Variants in SPG11 observed in about 807,000 individuals in gnomAD.
SPG11 encodes the protein SPG11 vesicle trafficking associated, spatacsin, also known as spatacsin.
In SPG11, 222 loss-of-function variants were observed where a neutral mutation model predicts 274.0. That is an observed-to-expected ratio of 0.81 (90% confidence interval 0.73 to 0.91). The LOEUF (loss-of-function observed/expected upper bound fraction) is 0.91. Ranked by LOEUF, SPG11 falls within the 40% of genes least tolerant of loss-of-function variation. The pLI is 0.00. For synonymous variants in SPG11, 1,144 were observed against 1,039.7 expected (o/e 1.10, Z -1.93); for missense variants, 3,114 against 2,872.7 (o/e 1.08, Z -1.92).
intron 26 of SPG11, among the ~76,000 whole-genome samples, chr15:44,593,756 T>C (rs1332542179): frequency 6.9e-6 from 1 of 144,990 alleles, no homozygotes; most frequent in East Asian, 2.0e-4. Flanking sequence ...CATAATATCT[T>C]TTTTTTTTTT....
chr15:44,629,502 CTTA>C lies in SPG11; in HGVS notation c.1736-117_1736-115del, dbSNP rs2083997448. On this transcript the variant is annotated intron_variant, in intron 8 of 39. Transcript: ENST00000261866. ...TTAAACATAAAACAAGGACCAATGT[CTTA>C]TTTTCAAAAAGCTCACAAAACTTTT... The C allele has an allele frequency of 5.6e-5, 67 of 1,203,122 alleles. No individual in the cohort carries two copies. The South Asian group carries it at 8.8e-4, about 16-fold the overall frequency. 74.5% of individuals were successfully genotyped at this position (1,203,122 alleles called of 1,614,324 possible).
chr15:44,583,521 T>C (rs574074865), intron 30 of SPG11, among the ~76,000 whole-genome samples: 2 of 152,260 alleles, frequency 1.3e-5, no homozygotes, highest in South Asian at 2.1e-4. Flanking sequence ...ATACTATCAA[T>C]GTAAGACTGG....
chr15:44,642,711 AT>A (rs1329329856), intron 7 of SPG11, among the ~76,000 whole-genome samples: 4 of 151,494 alleles, frequency 2.6e-5, no homozygotes, highest in Admixed American at 6.6e-5. Flanking sequence ...AAAAAAAAAA[AT>A]AATAAAAATT....
chr15:44,611,826 T>TTC (rs1440174198), intron 17 of SPG11, among the ~76,000 whole-genome samples: 1 of 148,916 alleles, frequency 6.7e-6, no homozygotes, highest in Non-Finnish European at 1.5e-5. Flanking sequence ...TTTTTTTTTT[T>TTC]TTGAGATGGA....
intron 6 of SPG11, among the ~76,000 whole-genome samples, chr15:44,649,361 G>A (rs982972270): frequency 6.6e-6 from 1 of 152,070 alleles, no homozygotes; most frequent in Non-Finnish European, 1.5e-5. Context: ...ATCACACCCA[G>A]CTAATTTTTA....
At chr15:44,582,252 A>G (rs2082671151) in intron 30 of SPG11, among the ~76,000 whole-genome samples, 3 of 152,164 alleles carry the variant, frequency 2.0e-5, no homozygotes, top group Admixed American at 2.0e-4. Context: ...CAAAAACCAA[A>G]CAGTATAAAA....
At position 44,583,898 on chromosome 15, in the gene SPG11, G is replaced by GCAGATCCTCC. The variant is rs779321661; in HGVS notation, c.5772_5781dup (p.His1928GlyfsTer15). On this transcript the variant is annotated frameshift_variant, in exon 30 of 40. Transcript: ENST00000261866. LOFTEE classifies it high-confidence loss of function. ...TGTAGGAGAGCATGGATCTCTGGGTGCAGATCCTCCATACTAGCTTCCCCT... is the reference window on the plus strand; with the variant it reads ...TGTAGGAGAGCATGGATCTCTGGGTGCAGATCCTCCCAGATCCTCCATACTAGCTTCCCCT... 20 of 1,614,052 alleles carry GCAGATCCTCC rather than the reference G, an allele frequency of 1.2e-5. No homozygotes were observed. Among genetic ancestry groups the GCAGATCCTCC allele is most frequent in the Non-Finnish European group, 1.7e-5 (20 of 1,180,028 alleles).
chr15:44,637,493 TTAG>T (rs2084312114), intron 7 of SPG11, among the ~76,000 whole-genome samples: 1 of 152,140 alleles, frequency 6.6e-6, no homozygotes, highest in Non-Finnish European at 1.5e-5. Context: ...TTTTGTATTT[TTAG>T]TAGAGATGGG....
intron 17 of SPG11, among the ~76,000 whole-genome samples, chr15:44,612,563 T>G (rs924106013): frequency 1.3e-5 from 2 of 152,022 alleles, no homozygotes; most frequent in Non-Finnish European, 2.9e-5. Flanking sequence ...CACAGCTAAT[T>G]TTTAAAAATC....
intron 1 of SPG11, among the ~76,000 whole-genome samples, chr15:44,661,751 C>A (rs564062194): frequency 6.6e-6 from 1 of 151,964 alleles, no homozygotes; most frequent in East Asian, 1.9e-4. Flanking sequence ...AATATTGCCA[C>A]ATGGAAAGAC....
chr15:44,592,242 G>T, intron 27 of SPG11, 89 bp downstream of exon 27: 1 of 791,996 alleles, frequency 1.3e-6, no homozygotes, highest in South Asian at 1.4e-5. Flanking sequence ...AACCGAGTGA[G>T]ACACCAAGTC....
chr15:44,662,581 T>G (rs1393337580), intron 1 of SPG11, among the ~76,000 whole-genome samples: 1 of 141,978 alleles, frequency 7.0e-6, no homozygotes, highest in Non-Finnish European at 1.5e-5. Context: ...GCCCGGGAGG[T>G]CAAGGCTGGC....
Position 44,660,634 on chromosome 15 carries a change from G to C in SPG11, c.258-18C>G. The C allele has an allele frequency of 6.2e-7, 1 of 1,612,004 alleles. No individual in the cohort carries two copies. The highest frequency in any genetic ancestry group is 1.1e-5 in the South Asian group (1 of 91,014). ...ATAGAAAGCTAAGAAAAAAAGTTTA[G>C]ATTTATTATATTCTATATCCGCAAT... is the stretch of plus-strand genomic sequence containing the variant. On this transcript the variant is annotated intron_variant, in intron 1 of 39. Coordinates refer to ENST00000261866, the MANE Select transcript of SPG11 (RefSeq NM_025137.4).
At chr15:44,642,292 A>G (rs1303828282) in intron 7 of SPG11, among the ~76,000 whole-genome samples, 1 of 150,388 alleles carries the variant, frequency 6.6e-6, no homozygotes, top group African/African-American at 2.4e-5. Flanking sequence ...TTGAACCCAG[A>G]AGGCAGAGGT....
intron 20 of SPG11, among the ~76,000 whole-genome samples, chr15:44,601,271 T>C (rs2083181395): frequency 6.6e-6 from 1 of 152,158 alleles, no homozygotes; most frequent in South Asian, 2.1e-4. Context: ...TTTTTTATTT[T>C]TTTTTTTAAG....
intron 26 of SPG11, among the ~76,000 whole-genome samples, chr15:44,594,703 G>A (rs2140968430): frequency 6.6e-6 from 1 of 152,078 alleles, no homozygotes; most frequent in African/African-American, 2.4e-5. Context: ...GTTGAGGCTG[G>A]AGTGAGCCTT....
chr15:44,587,892 G>C (rs1203650818), intron 28 of SPG11, among the ~76,000 whole-genome samples: 1 of 151,802 alleles, frequency 6.6e-6, no homozygotes, highest in East Asian at 1.9e-4. Flanking sequence ...ATTCATTTTT[G>C]AAAAAAATTA....
intron 17 of SPG11, among the ~76,000 whole-genome samples, chr15:44,611,446 T>C (rs1317148476): frequency 6.6e-6 from 1 of 152,170 alleles, no homozygotes; most frequent in East Asian, 1.9e-4. Context: ...TGCCATATAC[T>C]ACCTATCCAA....
chr15:44,662,961 A>T (rs1440138300), intron 1 of SPG11, among the ~76,000 whole-genome samples: 1 of 152,260 alleles, frequency 6.6e-6, no homozygotes, highest in Non-Finnish European at 1.5e-5. Flanking sequence ...ATTCACTTCA[A>T]GGACATGAAA....
Sources: allele counts gnomAD v4.1 joint callset (sites outside exome capture counted in the v4.1 genomes callset), GRCh38; gene constraint gnomAD v4.1.1; transcripts MANE v1.5; gene names NCBI Gene and HGNC (gene_info 2026-07-23, HGNC 2026-07-21).